KRABD5: variants seen among roughly 807,000 people sequenced by gnomAD.
KRABD5 encodes KRAB domain containing 5, also known as KRAB domain-containing protein 5.
chr16:31,726,287 A>G, the KRABD5 span, among the ~76,000 whole-genome samples: 5 of 152,184 alleles, frequency 3.3e-5, no homozygotes, highest in Non-Finnish European at 7.3e-5. Context: ...AACTCTATAC[A>G]CATGGGGTTA....
chr16:31,755,554 A>ATG, the KRABD5 span: 2 of 462,928 alleles, frequency 4.3e-6, no homozygotes, highest in Non-Finnish European at 8.8e-6. Context: ...AACCATATAT[A>ATG]TGTAAGGATT....
At chr16:31,716,452 C>T in the KRABD5 span, among the ~76,000 whole-genome samples, 1 of 152,042 alleles carries the variant, frequency 6.6e-6, no homozygotes, top group East Asian at 1.9e-4. Context: ...CATGATCATG[C>T]AGTCTTGACG....
the KRABD5 span, among the ~76,000 whole-genome samples, chr16:31,737,427 AAAT>A: frequency 6.6e-6 from 1 of 152,224 alleles, no homozygotes; most frequent in African/African-American, 2.4e-5. Flanking sequence ...CTGAAAAAGA[AAAT>A]AAAAAATGTG....
At chr16:31,748,742 C>A in the KRABD5 span, among the ~76,000 whole-genome samples, 4 of 152,100 alleles carry the variant, frequency 2.6e-5, no homozygotes, top group Non-Finnish European at 5.9e-5. Flanking sequence ...TAGTTTTGAT[C>A]TTTAAGGCTG....
chr16:31,720,828 T>A, the KRABD5 span, among the ~76,000 whole-genome samples: 1 of 152,224 alleles, frequency 6.6e-6, no homozygotes, highest in Non-Finnish European at 1.5e-5. Context: ...GAGACTGCCA[T>A]TTCTCTTTAG....
chr16:31,759,596 G>GTA, the KRABD5 span: 1 of 571,394 alleles, frequency 1.8e-6, no homozygotes, highest in Non-Finnish European at 3.2e-6. Context: ...AAGGGTTGAA[G>GTA]TATAGATGAA....
the KRABD5 span, chr16:31,723,244 T>G: frequency 6.2e-7 from 1 of 1,610,702 alleles, no homozygotes; most frequent in Non-Finnish European, 8.5e-7. Context: ...ATGTGACTTT[T>G]TCTAATAAAA....
At chr16:31,717,374 GC>G in the KRABD5 span, among the ~76,000 whole-genome samples, 2 of 152,188 alleles carry the variant, frequency 1.3e-5, no homozygotes, top group Admixed American at 6.5e-5. Context: ...AGAAGATAGA[GC>G]CGTATCTTAC....
the KRABD5 span, among the ~76,000 whole-genome samples, chr16:31,750,853 G>A: frequency 1.3e-5 from 2 of 152,058 alleles, no homozygotes; most frequent in Non-Finnish European, 2.9e-5. Context: ...TCCGCCTCCT[G>A]GGTTCAAATT....
At chr16:31,755,616 A>G in the KRABD5 span, 12 of 483,920 alleles carry the variant, frequency 2.5e-5, no homozygotes, top group African/African-American at 5.9e-5. Flanking sequence ...CAGATGATTC[A>G]TACTGGAGAG....
At chr16:31,725,230 C>T in the KRABD5 span, among the ~76,000 whole-genome samples, 1 of 152,170 alleles carries the variant, frequency 6.6e-6, no homozygotes, top group Admixed American at 6.5e-5. Flanking sequence ...ATTCTGCCAC[C>T]TCAGCCTCCC....
At chr16:31,713,657 G>C in the KRABD5 span, 2 of 623,116 alleles carry the variant, frequency 3.2e-6, no homozygotes, top group East Asian at 6.2e-5. Context: ...CATGGCCGGA[G>C]CCGTCTTTGG....
the KRABD5 span, among the ~76,000 whole-genome samples, chr16:31,742,748 C>T: frequency 6.6e-5 from 10 of 152,216 alleles, no homozygotes; most frequent in Admixed American, 2.0e-4. Context: ...CTGTCTTCCA[C>T]AGTGGCTGAA....
chr16:31,729,030 A>T, the KRABD5 span, among the ~76,000 whole-genome samples: 10 of 152,034 alleles, frequency 6.6e-5, no homozygotes, highest in Non-Finnish European at 1.3e-4. Flanking sequence ...TATATAGTTA[A>T]CTCCTTTGTC....
At chr16:31,724,468 A>G in the KRABD5 span, among the ~76,000 whole-genome samples, 2 of 151,952 alleles carry the variant, frequency 1.3e-5, no homozygotes, top group East Asian at 3.9e-4. Context: ...CAGGCGGATC[A>G]TGAGGTCAGG....
At chr16:31,749,095 C>A in the KRABD5 span, among the ~76,000 whole-genome samples, 1 of 152,236 alleles carries the variant, frequency 6.6e-6, no homozygotes, top group Admixed American at 6.5e-5. Context: ...AGACTGTTGT[C>A]ACCCCTCTCG....
At chr16:31,738,646 CTT>C in the KRABD5 span, among the ~76,000 whole-genome samples, 2 of 152,006 alleles carry the variant, frequency 1.3e-5, no homozygotes, top group African/African-American at 4.8e-5. Context: ...CAAATTATGT[CTT>C]TTGAATTTAT....
the KRABD5 span, among the ~76,000 whole-genome samples, chr16:31,734,474 A>G: frequency 4.0e-5 from 6 of 151,584 alleles, no homozygotes; most frequent in African/African-American, 1.5e-4. Flanking sequence ...CTGGCCTTGA[A>G]CTCCTGACCT....
At chr16:31,759,630 G>C in the KRABD5 span, 1 of 437,296 alleles carries the variant, frequency 2.3e-6, no homozygotes, top group African/African-American at 2.0e-5. Flanking sequence ...ATGATTAGTA[G>C]TTGAAGCTGG....
Sources: gnomAD v4.1 joint callset for allele counts (sites outside exome capture counted in the v4.1 genomes callset) on GRCh38, gnomAD v4.1.1 for gene constraint, MANE v1.5 for transcripts, NCBI Gene and HGNC (gene_info 2026-07-23, HGNC 2026-07-21) for gene names.